Variants in PITRM1 observed in about 807,000 individuals in gnomAD.
The protein encoded by PITRM1 is pitrilysin metallopeptidase 1.
Under a neutral mutation model 129.9 loss-of-function variants are expected in PITRM1, and 100 were observed. That is an observed-to-expected ratio of 0.77 (90% CI 0.65 to 0.91). The LOEUF is 0.91. Ranked by LOEUF, PITRM1 falls within the 40% of genes least tolerant of loss-of-function variation. The probability of loss-of-function intolerance (pLI) is 0.00; values close to 1 mark genes in which losing one functional copy is unlikely to be tolerated. For missense variants in PITRM1, 1,471 were observed against 1,318.3 expected (o/e 1.12, Z -1.79); for synonymous variants, 591 against 508.8 (o/e 1.16, Z -2.17).
At chr10:3,157,917 T>C (rs1178985538) in intron 11 of PITRM1, 123 bp downstream of exon 11, 2 of 695,248 alleles carry the variant, frequency 2.9e-6, no homozygotes, top group East Asian at 2.7e-5. Flanking sequence ...CAACTAAATA[T>C]GAACAAAAGC....
intron 22 of PITRM1, 93 bp downstream of exon 22, chr10:3,144,199 G>A (rs1214608740): frequency 2.7e-6 from 2 of 727,700 alleles, no homozygotes; most frequent in African/African-American, 3.5e-5. Context: ...CCCACAGACA[G>A]GCGGACGGAG....
At chr10:3,165,204 G>A (rs1367527589) in intron 6 of PITRM1, 34 bp downstream of exon 6, 1 of 1,413,728 alleles carries the variant, frequency 7.1e-7, no homozygotes, top group Non-Finnish European at 9.6e-7. Context: ...GGAAAGGTAA[G>A]CTGAACACAA....
chr10:3,138,366 G>GCC, intron 25 of PITRM1, 29 bp from the exon 26 acceptor site: 2 of 1,515,622 alleles, frequency 1.3e-6, no homozygotes, highest in Non-Finnish European at 1.8e-6. Flanking sequence ...GCACGATGGA[G>GCC]CCGCTGCCCG....
chr10:3,157,177 T>C (rs41313810), intron 12 of PITRM1, 113 bp from the exon 13 acceptor site: 238 of 993,138 alleles, frequency 2.4e-4, no homozygotes, highest in Non-Finnish European at 3.2e-4. Flanking sequence ...ATACCACAGA[T>C]GATTGTTTAT....
At chr10:3,141,388 TGAA>T (rs1840183136) in intron 23 of PITRM1, 1 of 206,520 alleles carries the variant, frequency 4.8e-6, no homozygotes, top group African/African-American at 2.3e-5. Context: ...TAAAATCTCG[TGAA>T]GTAGAAAGAG....
intron 25 of PITRM1, chr10:3,138,660 G>C: frequency 1.6e-6 from 1 of 631,512 alleles, no homozygotes; most frequent in Non-Finnish European, 2.9e-6. Flanking sequence ...ACCCTAAAGA[G>C]CCCGGACACT....
At chr10:3,159,990 A>G in intron 8 of PITRM1, 54 bp from the exon 9 acceptor site, 1 of 1,333,136 alleles carries the variant, frequency 7.5e-7, no homozygotes, top group Non-Finnish European at 1.1e-6. Context: ...GTTGTCAACT[A>G]CTCTAGGTTA....
At chr10:3,140,869 T>A in intron 23 of PITRM1, 57 bp from the exon 24 acceptor site, 2 of 1,344,372 alleles carry the variant, frequency 1.5e-6, no homozygotes, top group Non-Finnish European at 2.1e-6. Flanking sequence ...GCATAGACAA[T>A]GAAGTAATTG....
At chr10:3,143,527 C>T (rs779825281) in intron 22 of PITRM1, 26 bp from the exon 23 acceptor site, 28 of 1,515,722 alleles carry the variant, frequency 1.8e-5, no homozygotes, top group South Asian at 6.7e-5. Context: ...TGGTCAGAGG[C>T]GGCTGTGCTG....
chr10:3,139,474 GC>G (rs1179414090), intron 24 of PITRM1, among the ~76,000 whole-genome samples: 5 of 152,128 alleles, frequency 3.3e-5, no homozygotes, highest in Non-Finnish European at 5.9e-5. Flanking sequence ...GCCTGAGGGG[GC>G]CAATCCAGAC....
rs73579007 is a variant in PITRM1, at chr10:3,147,369, C to T, written c.2236-119G>A. The stretch of plus-strand genomic sequence containing the variant: ...GGCAGGGGTTATGTGTGCGAGTGCA[C>T]GGCTTGGGCAGGGCTGGAACTGGGA... On this transcript the variant is annotated intron_variant, in intron 19 of 26. Transcript: ENST00000224949. 1,369 of 972,582 alleles carry T rather than the reference C, an allele frequency of 1.4e-3. 11 individuals are homozygous for T. In the African/African-American group the frequency reaches 0.017, roughly 12 times the overall value. The allele number at this position is 972,582 out of a possible 1,614,324, so 60.2% of individuals were successfully genotyped here.
chr10:3,155,547 G>T (rs141549097), intron 14 of PITRM1, 44 bp downstream of exon 14: 1 of 1,609,366 alleles, frequency 6.2e-7, no homozygotes, highest in South Asian at 1.1e-5. Flanking sequence ...CACTAGGCCC[G>T]AGTGCAGGTT....
At chr10:3,161,104 C>T (rs1462941335) in intron 7 of PITRM1, among the ~76,000 whole-genome samples, 2 of 152,094 alleles carry the variant, frequency 1.3e-5, no homozygotes, top group Non-Finnish European at 2.9e-5. Context: ...GTTACCCATG[C>T]TGGTCTCAAA....
chr10:3,164,737 T>C (rs1390754377), intron 6 of PITRM1, among the ~76,000 whole-genome samples: 1 of 152,244 alleles, frequency 6.6e-6, no homozygotes, highest in African/African-American at 2.4e-5. Flanking sequence ...TAAGCCATCA[T>C]TACATGTTGA....
chr10:3,165,390 C>G, intron 5 of PITRM1, 23 bp downstream of exon 5: 4 of 1,606,208 alleles, frequency 2.5e-6, no homozygotes, highest in Non-Finnish European at 3.4e-6. Context: ...TCTGTATCAA[C>G]TAGTTAATCA....
Position 3,143,681 on chromosome 10 carries a change from G to A in PITRM1, c.2533-180C>T, listed in dbSNP as rs74112931. 2,241 of 711,284 alleles carry A rather than the reference G, an allele frequency of 3.2e-3. 45 individuals are homozygous for A. The African/African-American group carries it at 0.034, about 11-fold the overall frequency. The allele number at this position is 711,284 out of a possible 1,614,324, so 44.1% of individuals were successfully genotyped here. On this transcript the variant is annotated intron_variant, in intron 22 of 26. Coordinates refer to ENST00000224949, the MANE Select transcript of PITRM1 (RefSeq NM_014889.4). Reference sequence around the variant, plus strand: ...ACTCTGCAGCCAGGTGCTGGGGCGCGAGAGCAAGGCACTGCAGTTCCGTCA... The same window carrying A: ...ACTCTGCAGCCAGGTGCTGGGGCGCAAGAGCAAGGCACTGCAGTTCCGTCA...
Position 3,158,942 on chromosome 10 carries a change from G to A in PITRM1, c.1108C>T (p.Leu370Phe), listed in dbSNP as rs549015850. 8.2e-5 allele frequency: 132 copies of A among 1,613,628 alleles called. No individual in the cohort carries two copies. The East Asian group carries it at 2.7e-3, about 34-fold the overall frequency. Residue 370 changes from leucine (L) to phenylalanine (F), a missense_variant, in exon 10 of 27, where the codon CTT becomes TTT. Coordinates refer to ENST00000224949, the MANE Select transcript of PITRM1 (RefSeq NM_014889.4). ...ACATCAGGAGAAAAGTCTGTGCCAA[G>A]GCCAGATTCAATCAAGGCTTTGTAA... ...PFYKALIESG[L>F]GTDFSPDVGY...
At chr10:3,140,199 G>C (rs1207926155) in intron 24 of PITRM1, among the ~76,000 whole-genome samples, 1 of 152,236 alleles carries the variant, frequency 6.6e-6, no homozygotes, top group African/African-American at 2.4e-5. Context: ...AGGGTTCTGT[G>C]AACAGAAGCT....
chr10:3,165,365 A>G, intron 5 of PITRM1, 31 bp from the exon 6 acceptor site: 1 of 1,598,614 alleles, frequency 6.3e-7, no homozygotes, highest in Non-Finnish European at 8.5e-7. Context: ...GCTGATAGTG[A>G]CTCAAATACT....
Sources: allele counts gnomAD v4.1 joint callset (sites outside exome capture counted in the v4.1 genomes callset), GRCh38; gene constraint gnomAD v4.1.1; transcripts MANE v1.5; gene names NCBI Gene and HGNC (gene_info 2026-07-23, HGNC 2026-07-21).